Variants in GRID2 observed in about 807,000 individuals in gnomAD.
GRID2 encodes the protein glutamate receptor ionotropic, delta-2.
Under a neutral mutation model 114.8 loss-of-function variants are expected in GRID2, and 33 were observed. That is an observed-to-expected ratio of 0.29 (90% confidence interval 0.22 to 0.38). GRID2 has a LOEUF of 0.38. GRID2 is among the 10% of genes least tolerant of loss of function. The pLI, the probability that GRID2 is intolerant of heterozygous loss-of-function variation, is 1.00. For synonymous variants in GRID2, 505 were observed against 449.9 expected (o/e 1.12, Z -1.55); for missense variants, 1,184 against 1,257.7 (o/e 0.94, Z 0.89).
intron 9 of GRID2, among the ~76,000 whole-genome samples, chr4:93,401,227 A>C (rs752257955): frequency 2.8e-4 from 43 of 152,130 alleles, no homozygotes; most frequent in Non-Finnish European, 5.0e-4. Flanking sequence ...TTTTTTGCCT[A>C]GAATTACCAT....
chr4:92,621,247 C>T (rs1730259763), intron 2 of GRID2, among the ~76,000 whole-genome samples: 1 of 151,586 alleles, frequency 6.6e-6, no homozygotes, highest in East Asian at 1.9e-4. Context: ...TCTCAGGACA[C>T]ATTTAGAAAA....
At chr4:92,709,594 A>G (rs1476387363) in intron 2 of GRID2, among the ~76,000 whole-genome samples, 1 of 128,936 alleles carries the variant, frequency 7.8e-6, no homozygotes, top group Non-Finnish European at 1.6e-5. Flanking sequence ...AAAAAAATAT[A>G]TATATATATA....
chr4:93,296,476 G>A (rs17020341), intron 8 of GRID2, among the ~76,000 whole-genome samples: 8,214 of 152,194 alleles, frequency 0.054, 744 homozygotes, highest in African/African-American at 0.19. Flanking sequence ...TCCAGGAAAG[G>A]TACCTATTTC....
intron 1 of GRID2, among the ~76,000 whole-genome samples, chr4:92,311,498 C>T (rs1220827020): frequency 6.6e-6 from 1 of 151,934 alleles, no homozygotes; most frequent in Non-Finnish European, 1.5e-5. Context: ...TAGTCAAGTT[C>T]CTTATTAACA....
chr4:93,369,071 A>G (rs2149287927), intron 8 of GRID2, among the ~76,000 whole-genome samples: 1 of 152,274 alleles, frequency 6.6e-6, no homozygotes, highest in South Asian at 2.1e-4. Flanking sequence ...AAAACAACGG[A>G]AATTTATTCT....
chr4:92,404,836 TACATTGAC>T (rs1435341098), intron 1 of GRID2, among the ~76,000 whole-genome samples: 1 of 152,090 alleles, frequency 6.6e-6, no homozygotes. Flanking sequence ...ACAATGAGAA[TACATTGAC>T]ACACAGAGGG....
intron 2 of GRID2, among the ~76,000 whole-genome samples, chr4:93,001,309 A>G (rs1020959107): frequency 4.6e-5 from 7 of 151,648 alleles, no homozygotes; most frequent in Non-Finnish European, 1.0e-4. Flanking sequence ...AGTAAACTTC[A>G]TTTCAACACA....
chr4:93,596,701 C>A (rs1036278370), intron 13 of GRID2, among the ~76,000 whole-genome samples: 1 of 152,158 alleles, frequency 6.6e-6, no homozygotes, highest in Non-Finnish European at 1.5e-5. Flanking sequence ...GTAGCATTAA[C>A]AATGCTCAAT....
At chr4:93,680,934 A>G (rs1206903658) in intron 14 of GRID2, among the ~76,000 whole-genome samples, 2 of 151,490 alleles carry the variant, frequency 1.3e-5, no homozygotes, top group African/African-American at 4.9e-5. Context: ...GGCCAGGGCA[A>G]TTAGGCAGGA....
At chr4:93,684,060 A>G (rs1328077441) in intron 14 of GRID2, among the ~76,000 whole-genome samples, 2 of 152,158 alleles carry the variant, frequency 1.3e-5, no homozygotes. Context: ...ATATAAAATT[A>G]TATATGGAAT....
At chr4:92,964,201 G>T (rs143227405) in intron 2 of GRID2, among the ~76,000 whole-genome samples, 13 of 152,122 alleles carry the variant, frequency 8.5e-5, no homozygotes, top group African/African-American at 2.9e-4. Context: ...AGCTGCATTA[G>T]CCCCTAACAA....
At chr4:92,822,192 C>T in intron 2 of GRID2, 1 of 443,818 alleles carries the variant, frequency 2.3e-6, no homozygotes, top group Non-Finnish European at 4.4e-6. Flanking sequence ...GAACCAGTAG[C>T]AGTTGAGGCT....
At chr4:92,592,241 T>C (rs907612323) in intron 2 of GRID2, among the ~76,000 whole-genome samples, 1 of 152,090 alleles carries the variant, frequency 6.6e-6, no homozygotes, top group African/African-American at 2.4e-5. Flanking sequence ...GATTTCTTTC[T>C]TTATCTTCTT....
intron 13 of GRID2, among the ~76,000 whole-genome samples, chr4:93,588,250 C>T (rs1222438062): frequency 6.6e-6 from 1 of 151,954 alleles, no homozygotes; most frequent in Non-Finnish European, 1.5e-5. Context: ...GAGAGACAGA[C>T]ATTATTTTTA....
chr4:92,451,749 CAT>C (rs1409322132), intron 1 of GRID2, among the ~76,000 whole-genome samples: 2 of 152,086 alleles, frequency 1.3e-5, no homozygotes, highest in African/African-American at 4.8e-5. Flanking sequence ...ATTAAGAAAA[CAT>C]TGAGCAATAA....
chr4:93,564,370 TA>T lies in GRID2; in HGVS notation c.2193+48960del, dbSNP rs202056789. 8.0e-3 allele frequency among the ~76,000 whole-genome samples: 1,219 copies of T among 152,126 alleles called. 9 individuals carry two copies. Among genetic ancestry groups the T allele is most frequent in the Non-Finnish European group, 0.013 (850 of 67,900 alleles). ...TCAGATGTTCTTAGCTTGAAAGGTTTATTCCATAGGTTCAGTGGTCTTCTTT... is the reference window on the plus strand; with the variant it reads ...TCAGATGTTCTTAGCTTGAAAGGTTTTTCCATAGGTTCAGTGGTCTTCTTT... On this transcript the variant is annotated intron_variant, in intron 13 of 15. Transcript: ENST00000282020.
intron 2 of GRID2, among the ~76,000 whole-genome samples, chr4:92,756,093 C>T (rs1242822244): frequency 6.6e-6 from 1 of 152,080 alleles, no homozygotes; most frequent in Non-Finnish European, 1.5e-5. Context: ...CACACGCGTC[C>T]CCACCCCTGC....
chr4:92,411,775 A>G (rs1267457378), intron 1 of GRID2, among the ~76,000 whole-genome samples: 2 of 150,230 alleles, frequency 1.3e-5, no homozygotes, highest in African/African-American at 2.5e-5. Flanking sequence ...GCGCGATCTC[A>G]GCTCACTGCA....
intron 2 of GRID2, among the ~76,000 whole-genome samples, chr4:92,661,791 C>T (rs901304257): frequency 5.3e-5 from 8 of 150,740 alleles, no homozygotes; most frequent in Admixed American, 4.6e-4. Context: ...TAAATTGTGT[C>T]AATTAAAAAG....
Sources: allele counts gnomAD v4.1 joint callset (sites outside exome capture counted in the v4.1 genomes callset), GRCh38; gene constraint gnomAD v4.1.1; transcripts MANE v1.5; gene names NCBI Gene and HGNC (gene_info 2026-07-23, HGNC 2026-07-21).